The following EXOC4 variants were observed in gnomAD, a reference collection of about 807,000 sequenced individuals.
The protein encoded by EXOC4 is exocyst complex component 4.
EXOC4 carries 71 observed loss-of-function variants against 107.2 expected under a neutral mutation model. That is an observed-to-expected ratio of 0.66 (90% CI 0.55 to 0.81). EXOC4 has a LOEUF of 0.81. Among genes scored for constraint, EXOC4 ranks in the 30% least tolerant of loss-of-function variants. The pLI is 0.00. For synonymous variants in EXOC4, 456 were observed against 441.2 expected, an observed-to-expected ratio of 1.03 and a Z score of -0.42; for missense variants, 1,108 against 1,189.6, an observed-to-expected ratio of 0.93 and a Z score of 1.01.
Position 134,047,883 on chromosome 7 carries a change from G to A in EXOC4, c.2688-16408G>A, listed in dbSNP as rs116858731. On this transcript the variant is annotated intron_variant, in intron 17 of 17. Transcript: ENST00000253861. Reference sequence around the variant, plus strand: ...GCACAAATAAAGACCATGGCCTTGCGGTAAAGAAAGAGTTTAATTGATGCG... The same window carrying A: ...GCACAAATAAAGACCATGGCCTTGCAGTAAAGAAAGAGTTTAATTGATGCG... Among the ~76,000 whole-genome samples the A allele has an allele frequency of 4.1e-4, 62 of 152,272 alleles. 1 individual carries two copies. In the East Asian group the frequency reaches 8.7e-3, roughly 21 times the overall value.
rs537288277 is a variant in EXOC4 at position 133,594,967 on chromosome 7, G to A, written c.1418-35078G>A. On this transcript the variant is annotated intron_variant, in intron 9 of 17. Coordinates refer to ENST00000253861, the MANE Select transcript of EXOC4 (RefSeq NM_021807.4). Reference sequence around the variant, plus strand: ...GTTGCTATTTCAGATCCAATGGTCAGGGAATGCTTCCCTGATAAGGTGAGG... The same window carrying A: ...GTTGCTATTTCAGATCCAATGGTCAAGGAATGCTTCCCTGATAAGGTGAGG... 3.9e-5 allele frequency among the ~76,000 whole-genome samples: 6 copies of A among 152,324 alleles called. No individual in the cohort carries two copies. The South Asian group carries it at 6.2e-4, about 16-fold the overall frequency.
intron 7 of EXOC4, among the ~76,000 whole-genome samples, chr7:133,436,186 G>C (rs1447233834): frequency 1.3e-5 from 2 of 151,894 alleles, no homozygotes; most frequent in South Asian, 2.1e-4. Context: ...GATATGAACT[G>C]TATCAAACCC....
chr7:133,632,876 T>A (rs984142453), intron 10 of EXOC4, among the ~76,000 whole-genome samples: 1 of 152,044 alleles, frequency 6.6e-6, no homozygotes, highest in Non-Finnish European at 1.5e-5. Flanking sequence ...TTTAAGTGAG[T>A]ATGAGTTAGC....
At chr7:133,526,594 A>G (rs1800082780) in intron 9 of EXOC4, among the ~76,000 whole-genome samples, 1 of 152,238 alleles carries the variant, frequency 6.6e-6, no homozygotes, top group African/African-American at 2.4e-5. Context: ...ATAGATTCGC[A>G]AAGGCATTTC....
At chr7:133,410,197 T>C (rs1043848307) in intron 7 of EXOC4, among the ~76,000 whole-genome samples, 1 of 152,174 alleles carries the variant, frequency 6.6e-6, no homozygotes, top group Non-Finnish European at 1.5e-5. Context: ...GCAGGAATCA[T>C]AATAATGTCT....
intron 10 of EXOC4, among the ~76,000 whole-genome samples, chr7:133,722,604 T>C (rs547953492): frequency 6.6e-6 from 1 of 152,310 alleles, no homozygotes; most frequent in South Asian, 2.1e-4. Flanking sequence ...GTGATAACTG[T>C]TACGTACTTC....
At position 133,653,801 on chromosome 7, in the gene EXOC4, G is replaced by T. The variant is rs543477019; in HGVS notation, c.1514+23660G>T. Among the ~76,000 whole-genome samples the T allele has an allele frequency of 1.2e-4, 19 of 152,280 alleles. No homozygotes were observed. In the South Asian group the frequency reaches 3.3e-3, roughly 27 times the overall value. ...CAGAATTTGGAGTGAGCAAATTAGA[G>T]ATATTGAGAATGGTGTACTCTCTGT... On this transcript the variant is annotated intron_variant, in intron 10 of 17. Transcript: ENST00000253861.
chr7:133,475,556 C>G, intron 8 of EXOC4, 83 bp downstream of exon 8: 1 of 1,214,698 alleles, frequency 8.2e-7, no homozygotes, highest in Non-Finnish European at 1.2e-6. Flanking sequence ...ATAGCCATAA[C>G]TTTGTCTAGC....
chr7:133,529,644 G>C (rs1800144147), intron 9 of EXOC4, among the ~76,000 whole-genome samples: 1 of 152,104 alleles, frequency 6.6e-6, no homozygotes, highest in Non-Finnish European at 1.5e-5. Context: ...TCATCTCTCT[G>C]TACTATTTAT....
intron 1 of EXOC4, among the ~76,000 whole-genome samples, chr7:133,261,376 C>T (rs1207599861): frequency 6.6e-6 from 1 of 151,820 alleles, no homozygotes; most frequent in Non-Finnish European, 1.5e-5. Flanking sequence ...AGGTGATCCT[C>T]CCCACTTAGC....
At chr7:133,733,844 A>G (rs966235794) in intron 10 of EXOC4, among the ~76,000 whole-genome samples, 10 of 152,298 alleles carry the variant, frequency 6.6e-5, no homozygotes, top group Non-Finnish European at 1.0e-4. Context: ...CCACATTTCT[A>G]TAGAAATCTT....
At chr7:133,725,304 C>A (rs1201977298) in intron 10 of EXOC4, among the ~76,000 whole-genome samples, 1 of 152,134 alleles carries the variant, frequency 6.6e-6, no homozygotes, top group African/African-American at 2.4e-5. Flanking sequence ...GAATGCAGAT[C>A]AAGGCTTAGC....
intron 10 of EXOC4, among the ~76,000 whole-genome samples, chr7:133,690,200 C>CTATT (rs1794389937): frequency 6.6e-6 from 1 of 152,076 alleles, no homozygotes; most frequent in Non-Finnish European, 1.5e-5. Context: ...GGGTGTAGTG[C>CTATT]GGGAGCTCAG....
At chr7:133,698,723 T>G (rs769192688) in intron 10 of EXOC4, among the ~76,000 whole-genome samples, 1 of 152,206 alleles carries the variant, frequency 6.6e-6, no homozygotes, top group Non-Finnish European at 1.5e-5. Context: ...TGCCTTGTTT[T>G]TTTCTTATGG....
At chr7:133,637,749 T>G (rs532210042) in intron 10 of EXOC4, among the ~76,000 whole-genome samples, 1 of 152,220 alleles carries the variant, frequency 6.6e-6, no homozygotes, top group Non-Finnish European at 1.5e-5. Flanking sequence ...TTTGAATTAA[T>G]ATTATAAATG....
At chr7:133,276,130 G>A (rs1290416907) in intron 2 of EXOC4, among the ~76,000 whole-genome samples, 1 of 150,470 alleles carries the variant, frequency 6.6e-6, no homozygotes, top group African/African-American at 2.5e-5. Flanking sequence ...CTTTCTCCCT[G>A]TCTCTCTCTT....
chr7:133,901,147 G>T (rs1484172926), intron 12 of EXOC4, among the ~76,000 whole-genome samples: 1 of 152,144 alleles, frequency 6.6e-6, no homozygotes, highest in East Asian at 1.9e-4. Flanking sequence ...TGGGATTACA[G>T]GCATGAGCCA....
At chr7:133,781,930 G>A (rs888308) in intron 10 of EXOC4, among the ~76,000 whole-genome samples, 150,303 of 152,312 alleles carry the variant, frequency 0.99, 74,202 homozygotes, top group Middle Eastern at 1. Context: ...AGTTTTTATT[G>A]TGTCAGAACC....
chr7:133,610,280 C>T (rs1205806071), intron 9 of EXOC4, among the ~76,000 whole-genome samples: 1 of 152,186 alleles, frequency 6.6e-6, no homozygotes, highest in Non-Finnish European at 1.5e-5. Flanking sequence ...TGATTCTTAA[C>T]ATTCTAATCA....
Sources: allele counts gnomAD v4.1 joint callset (sites outside exome capture counted in the v4.1 genomes callset), GRCh38; gene constraint gnomAD v4.1.1; transcripts MANE v1.5; gene names NCBI Gene and HGNC (gene_info 2026-07-23, HGNC 2026-07-21).